Variants in ZBTB3 observed in about 807,000 individuals in gnomAD.
ZBTB3 encodes zinc finger and BTB domain-containing protein 3.
A neutral mutation model predicts 30.6 loss-of-function variants in ZBTB3; 15 were observed. The ratio of observed to expected loss-of-function variants is 0.49; its 90% CI spans 0.33 to 0.75. The LOEUF (loss-of-function observed/expected upper bound fraction) is 0.75, where lower values mean the gene tolerates loss of function less well. Among genes scored for constraint, ZBTB3 ranks in the 30% least tolerant of loss-of-function variants. ZBTB3 has a pLI of 0.02. For synonymous variants in ZBTB3, 258 were observed against 261.7 expected, an observed-to-expected ratio of 0.99 and a Z score of 0.14; for missense variants, 599 against 652.1, an observed-to-expected ratio of 0.92 and a Z score of 0.89.
In ZBTB3 at chr11:62,752,232, G is replaced by A. The variant is rs776418672; in HGVS notation, c.1433C>T (p.Ala478Val). ...TTCTGGATCTGGTTTGCTGCGTTTG[G>A]CCAGGTCCTCATTGTGAGCCTTGCG... ...HIRKAHNEDL[A>V]KRSKPDPEVG... The change falls in exon 2 of 2, where the codon GCC becomes GTC. Residue 478 changes from alanine to valine, a missense_variant. Physicochemically the swap from Ala to Val is moderately conservative, Grantham distance 64 (BLOSUM62 0). Coordinates refer to ENST00000394807, the MANE Select transcript of ZBTB3 (RefSeq NM_001370809.1). 3.1e-6 allele frequency: 5 copies of A among 1,614,202 alleles called. No homozygotes were observed. Among genetic ancestry groups the A allele is most frequent in the East Asian group, 4.5e-5 (2 of 44,878 alleles).
Position 62,753,148 on chromosome 11 carries a change from C to G in ZBTB3, c.517G>C (p.Gly173Arg). The change falls in exon 2 of 2, where the codon GGC becomes CGC. Residue 173 changes from glycine to arginine, a missense_variant. Physicochemically the swap from Gly to Arg is moderately radical, Grantham distance 125 (BLOSUM62 -2). Transcript: ENST00000394807. ...SGHWGKGEWK[G>R]SAAPSPTVRP... ...ACAGTAGGTGAGGGAGCAGCAGAGC[C>G]TTTCCATTCCCCTTTGCCCCAGTGG... The G allele has an allele frequency of 6.2e-7, 1 of 1,614,186 alleles. No homozygotes were observed. The highest frequency in any genetic ancestry group is 8.5e-7 in the Non-Finnish European group (1 of 1,180,030).
Position 62,753,428 on chromosome 11 carries a change from A to G in ZBTB3, c.237T>C (p.Leu79=). Residue 79 remains leucine (L), a synonymous_variant, in exon 2 of 2, where the codon CTT becomes CTC. Transcript: ENST00000394807. The part of the protein sequence containing the change: ...EIVTAPAFGL[L]LDFMYAGQLT... ...GCTGGCCAGCATACATAAAGTCCAG[A>G]AGCAGCCCAAAGGCTGGGGCTGTGA... The G allele has an allele frequency of 6.2e-7, 1 of 1,614,200 alleles. No individual in the cohort carries two copies. The highest frequency in any genetic ancestry group is 8.5e-7 in the Non-Finnish European group (1 of 1,180,040).
At position 62,751,981 on chromosome 11, in the gene ZBTB3, TG is replaced by T; in HGVS notation, c.*108del. 9.1e-7 allele frequency: 1 copy of T among 1,098,986 alleles called. No homozygotes were observed. The highest frequency in any genetic ancestry group is 1.3e-6 in the Non-Finnish European group (1 of 787,316). 68.1% of individuals were successfully genotyped at this position (1,098,986 alleles called of 1,614,324 possible). A position where few individuals can be genotyped will look rare whatever the true frequency, so the allele number is the denominator to read the frequency against. ...AAAAAAAGGGTAGGAACTTTCAGCC[TG>T]GGCAGAGCCTTTATTCTTGTCACCC... On this transcript the variant is annotated 3_prime_UTR_variant, in exon 2 of 2. Coordinates refer to ENST00000394807, the MANE Select transcript of ZBTB3 (RefSeq NM_001370809.1).
chr11:62,752,514 C>T lies in ZBTB3; in HGVS notation c.1151G>A (p.Arg384Gln), dbSNP rs766852178. Residue 384 changes from arginine to glutamine, a missense_variant, in exon 2 of 2, where the codon CGA (arginine) becomes CAA (glutamine). Coordinates refer to ENST00000394807, the MANE Select transcript of ZBTB3 (RefSeq NM_001370809.1). Reference sequence around the variant, plus strand: ...AGGCAGAGGTGAGGTCACCAGTCCTCGATGATACTGCCCTGCACCTGGCAG... The same window carrying T: ...AGGCAGAGGTGAGGTCACCAGTCCTTGATGATACTGCCCTGCACCTGGCAG... ...HLLPGAGQYH[R>Q]GLVTSPLPAP... is the part of the protein sequence containing the mutation. 5.6e-6 allele frequency: 9 copies of T among 1,614,102 alleles called. No homozygotes were observed. The highest frequency in any genetic ancestry group is 4.5e-5 in the East Asian group (2 of 44,878).
rs372985423 is a variant in ZBTB3 at position 62,752,830 on chromosome 11, T to C, written c.835A>G (p.Thr279Ala). Reference sequence around the variant, plus strand: ...GCTGAGACAGGGGCTGGGGCTGACGTTGGGGCTGAGGCTGGGGGATAGAAG... The same window carrying C: ...GCTGAGACAGGGGCTGGGGCTGACGCTGGGGCTGAGGCTGGGGGATAGAAG... Reference protein sequence around the residue: ...QGFYPPASAPTSAPAPVSAPV... With the variant: ...QGFYPPASAPASAPAPVSAPV... The change falls in exon 2 of 2, where the codon ACG becomes GCG. Residue 279 changes from threonine (T) to alanine (A), a missense_variant. Transcript: ENST00000394807. 4.4e-5 allele frequency: 71 copies of C among 1,613,996 alleles called. No individual in the cohort carries two copies. Among genetic ancestry groups the C allele is most frequent in the African/African-American group, 1.5e-4 (11 of 74,992 alleles).
chr11:62,754,095 C>G lies in ZBTB3; in HGVS notation c.-183G>C. On this transcript the variant is annotated 5_prime_UTR_variant, in exon 1 of 2. Coordinates refer to ENST00000394807, the MANE Select transcript of ZBTB3 (RefSeq NM_001370809.1). ...ACGCATTCCAGGGGCTAAGGACTAC[C>G]AGGGTGGGAACTAGCGGAGAAAGCT... is the stretch of plus-strand genomic sequence containing the variant. 6.2e-7 allele frequency: 1 copy of G among 1,608,356 alleles called. No individual in the cohort carries two copies. The highest frequency in any genetic ancestry group is 8.5e-7 in the Non-Finnish European group (1 of 1,174,804).
Position 62,753,017 on chromosome 11 carries a change from A to T in ZBTB3, c.648T>A (p.Asp216Glu). ...HLRAPHPPVA[D>E]VSLASPSSST... ...AGCTACTAGGGCTGGCAAGAGAGACATCAGCCACTGGTGGATGAGGTGCCC... is the reference window on the plus strand; with the variant it reads ...AGCTACTAGGGCTGGCAAGAGAGACTTCAGCCACTGGTGGATGAGGTGCCC... Residue 216 changes from aspartate to glutamate, a missense_variant, in exon 2 of 2, where the codon GAT (aspartate) becomes GAA (glutamate). Asp to Glu is a conservative substitution (Grantham distance 45). Transcript: ENST00000394807. 1 of 1,614,144 alleles carries T rather than the reference A, an allele frequency of 6.2e-7. No individual in the cohort carries two copies. Among genetic ancestry groups the T allele is most frequent in the Non-Finnish European group, 8.5e-7 (1 of 1,180,000 alleles).
At position 62,753,323 on chromosome 11, in the gene ZBTB3, C is replaced by G; in HGVS notation, c.342G>C (p.Val114=). The change falls in exon 2 of 2, where the codon GTG becomes GTC. Residue 114 remains valine, a synonymous_variant. Transcript: ENST00000394807. ...CCCGGGCTTGAAGCCGCCGCTTACA[C>G]ACCTTGACGATGTCATTCATGTGCA... ...SYLHMNDIVK[V]CKRRLQARAL... 1 of 1,614,154 alleles carries G rather than the reference C, an allele frequency of 6.2e-7. No individual in the cohort carries two copies. The highest frequency in any genetic ancestry group is 8.5e-7 in the Non-Finnish European group (1 of 1,180,048).
Position 62,752,984 on chromosome 11 carries a change from C to T in ZBTB3, c.681G>A (p.Glu227=). Residue 227 remains glutamate, a synonymous_variant, in exon 2 of 2, where the codon GAG becomes GAA. Transcript: ENST00000394807. ...VSLASPSSST[E]TIPTNYFSSG... ...AAGAGAAGTAGTTTGTAGGAATGGT[C>T]TCAGTGGAGCTACTAGGGCTGGCAA... 6.2e-7 allele frequency: 1 copy of T among 1,614,122 alleles called. No individual in the cohort carries two copies.
chr11:62,753,993 G>A lies in ZBTB3; in HGVS notation c.-81C>T, dbSNP rs187328752. The stretch of plus-strand genomic sequence containing the variant: ...TAGCGTCCAACGGCTCCACGAAGTA[G>A]AGATCTTTTTCGCTCCCAGGCCTTG... On this transcript the variant is annotated 5_prime_UTR_variant, in exon 1 of 2. Transcript: ENST00000394807. 3.7e-6 allele frequency: 6 copies of A among 1,613,732 alleles called. No homozygotes were observed. The African/African-American group carries it at 4.0e-5, about 11-fold the overall frequency.
At position 62,752,978 on chromosome 11, in the gene ZBTB3, A is replaced by T; in HGVS notation, c.687T>A (p.Ile229=). 1 of 1,614,144 alleles carries T rather than the reference A, an allele frequency of 6.2e-7. No individual in the cohort carries two copies. Residue 229 remains isoleucine (I), a synonymous_variant, in exon 2 of 2, where the codon ATT becomes ATA. Coordinates refer to ENST00000394807, the MANE Select transcript of ZBTB3 (RefSeq NM_001370809.1). ...TGCCAGAAGAGAAGTAGTTTGTAGG[A>T]ATGGTCTCAGTGGAGCTACTAGGGC... ...LASPSSSTET[I]PTNYFSSGIS...
chr11:62,752,276 C>T lies in ZBTB3; in HGVS notation c.1389G>A (p.Gly463=), dbSNP rs750825962. Residue 463 remains glycine, a synonymous_variant, in exon 2 of 2, where the codon GGG becomes GGA. Transcript: ENST00000394807. The part of the protein sequence containing the change: ...RYCLRSYTQS[G]DLYRHIRKAH... ...CCTTGCGGATGTGGCGGTAGAGGTC[C>T]CCTGACTGCGTGTAGCTCCGCAGGC... is the stretch of plus-strand genomic sequence containing the variant. 3 of 1,614,024 alleles carry T rather than the reference C, an allele frequency of 1.9e-6. No individual in the cohort carries two copies. Among genetic ancestry groups the T allele is most frequent in the Admixed American group, 1.7e-5 (1 of 59,998 alleles).
In ZBTB3 at chr11:62,752,517, T is replaced by A; in HGVS notation, c.1148A>T (p.His383Leu). 1 of 1,614,184 alleles carries A rather than the reference T, an allele frequency of 6.2e-7. No individual in the cohort carries two copies. The highest frequency in any genetic ancestry group is 8.5e-7 in the Non-Finnish European group (1 of 1,180,038). The change falls in exon 2 of 2, where the codon CAT becomes CTT. Residue 383 changes from histidine (H) to leucine (L), a missense_variant. His to Leu is a moderately conservative substitution (Grantham distance 99). Coordinates refer to ENST00000394807, the MANE Select transcript of ZBTB3 (RefSeq NM_001370809.1). ...YHLLPGAGQY[H>L]RGLVTSPLPA... ...CAGAGGTGAGGTCACCAGTCCTCGA[T>A]GATACTGCCCTGCACCTGGCAGCAG...
intron 1 of ZBTB3, 21 bp from the exon 2 acceptor site, chr11:62,753,736 G>A (rs1417278781): frequency 1.9e-6 from 3 of 1,576,562 alleles, no homozygotes; most frequent in Admixed American, 1.8e-5. Context: ...AGGGCAGTGA[G>A]TTAAGACAGG....
At position 62,753,046 on chromosome 11, in the gene ZBTB3, G is replaced by C. The variant is rs1215298379; in HGVS notation, c.619C>G (p.Leu207Val). Residue 207 changes from leucine to valine, a missense_variant, in exon 2 of 2, where the codon CTG becomes GTG. By Grantham distance (32) the Leu-to-Val change is conservative. Transcript: ENST00000394807. ...GCCACTGGTGGATGAGGTGCCCGCAGATGTGGTGCGTCAACCTCCATGCCA... is the reference window on the plus strand; with the variant it reads ...GCCACTGGTGGATGAGGTGCCCGCACATGTGGTGCGTCAACCTCCATGCCA... Reference protein sequence around the residue: ...QPGMEVDAPHLRAPHPPVADV... With the variant: ...QPGMEVDAPHVRAPHPPVADV... 6 of 1,614,214 alleles carry C rather than the reference G, an allele frequency of 3.7e-6. No homozygotes were observed. The South Asian group carries it at 6.6e-5, about 18-fold the overall frequency.
rs2084013783 is a variant in ZBTB3 at position 62,751,752 on chromosome 11, G to A, written c.*338C>T. The A allele has an allele frequency of 5.7e-6, 1 of 175,892 alleles. No individual in the cohort carries two copies. The highest frequency in any genetic ancestry group is 1.2e-5 in the Non-Finnish European group (1 of 82,430). The allele number at this position is 175,892 out of a possible 1,614,324, so 10.9% of individuals were successfully genotyped here. A position where few individuals can be genotyped will look rare whatever the true frequency, so the allele number is the denominator to read the frequency against. Reference sequence around the variant, plus strand: ...GATCGAGACCATCCTGGCTAACACGGTGAAACCCTGTCTCTACTAAAAATC... The same window carrying A: ...GATCGAGACCATCCTGGCTAACACGATGAAACCCTGTCTCTACTAAAAATC... On this transcript the variant is annotated 3_prime_UTR_variant, in exon 2 of 2. Coordinates refer to ENST00000394807, the MANE Select transcript of ZBTB3 (RefSeq NM_001370809.1).
rs937915617 is a variant in ZBTB3, at chr11:62,751,963, G to A, written c.*127C>T. On this transcript the variant is annotated 3_prime_UTR_variant, in exon 2 of 2. Transcript: ENST00000394807. ...AAAATAAAAGATTAAAAAAAAAAAA[G>A]GGTAGGAACTTTCAGCCTGGGCAGA... 9 of 856,642 alleles carry A rather than the reference G, an allele frequency of 1.1e-5. No homozygotes were observed. Among genetic ancestry groups the A allele is most frequent in the South Asian group, 2.2e-5 (1 of 45,424 alleles). The allele number at this position is 856,642 out of a possible 1,614,324, so 53.1% of individuals were successfully genotyped here. A position where few individuals can be genotyped will look rare whatever the true frequency, so the allele number is the denominator to read the frequency against.
chr11:62,751,419 C>G lies in ZBTB3; in HGVS notation c.*671G>C, dbSNP rs558535653. 1 of 148,786 alleles carries G rather than the reference C, an allele frequency of 6.7e-6. No individual in the cohort carries two copies. The highest frequency in any genetic ancestry group is 1.5e-5 in the Non-Finnish European group (1 of 67,496). 9.2% of individuals were successfully genotyped at this position (148,786 alleles called of 1,614,324 possible). On this transcript the variant is annotated 3_prime_UTR_variant, in exon 2 of 2. Transcript: ENST00000394807. ...GAGATCGAGACCATCCTGACTAACA[C>G]GGTGAAACCCCGTCTCTACTAAAAA... is the stretch of plus-strand genomic sequence containing the variant.
At chr11:62,753,905 A>C in intron 1 of ZBTB3, 59 bp downstream of exon 1, 3 of 1,580,064 alleles carry the variant, frequency 1.9e-6, no homozygotes, top group Non-Finnish European at 2.6e-6. Flanking sequence ...CCCCCGTCCG[A>C]TAAGCCCTGC....
Sources: allele counts gnomAD v4.1 joint callset, GRCh38; gene constraint gnomAD v4.1.1; transcripts MANE v1.5; gene names NCBI Gene and HGNC (gene_info 2026-07-23, HGNC 2026-07-21).